BTAF1: variants seen among roughly 807,000 people sequenced by gnomAD.
BTAF1 encodes the protein TATA-binding protein-associated factor 172.
Under a neutral mutation model 227.1 loss-of-function variants are expected in BTAF1, and 38 were observed. The observed-to-expected ratio is 0.17, with a 90% CI of 0.13 to 0.22. The LOEUF is 0.22. Among genes scored for constraint, BTAF1 ranks in the 10% least tolerant of loss-of-function variants. BTAF1 has a pLI of 1.00. For synonymous variants in BTAF1, 742 were observed against 751.9 expected, an observed-to-expected ratio of 0.99 and a Z score of 0.21; for missense variants, 1,598 against 2,204.0, an observed-to-expected ratio of 0.73 and a Z score of 5.51.
intron 1 of BTAF1, among the ~76,000 whole-genome samples, chr10:91,926,412 G>A (rs928256944): frequency 2.0e-4 from 31 of 152,266 alleles, no homozygotes; most frequent in Admixed American, 5.9e-4. Context: ...CAAGAAATTT[G>A]AGAATGTTCT....
chr10:92,025,671 G>A (rs1851451440), intron 35 of BTAF1, among the ~76,000 whole-genome samples: 1 of 152,040 alleles, frequency 6.6e-6, no homozygotes, highest in Non-Finnish European at 1.5e-5. Context: ...GCTGGATGTG[G>A]TGGCACATGC....
At chr10:91,987,249 C>T (rs1432487517) in intron 19 of BTAF1, among the ~76,000 whole-genome samples, 1 of 151,808 alleles carries the variant, frequency 6.6e-6, no homozygotes, top group Non-Finnish European at 1.5e-5. Flanking sequence ...TTTGGGAGGC[C>T]GAGGTGGGTG....
chr10:91,989,086 T>A, intron 19 of BTAF1, 68 bp from the exon 20 acceptor site: 1 of 1,369,344 alleles, frequency 7.3e-7, no homozygotes, highest in South Asian at 1.5e-5. Context: ...CTGTCTACCC[T>A]TTAGGAGCTT....
In BTAF1 at chr10:91,944,019, C is replaced by T. The variant is rs192239766; in HGVS notation, c.400+1451C>T. Among the ~76,000 whole-genome samples, 454 of 152,024 alleles carry T rather than the reference C, an allele frequency of 3.0e-3. 1 individual carries two copies. The highest frequency in any genetic ancestry group is 5.0e-3 in the Non-Finnish European group (343 of 67,982). ...TATGAAAATTAGCTGGGTGTGGAGG[C>T]GGGTGCCTGTAATCCCAGCTACTCT... On this transcript the variant is annotated intron_variant, in intron 4 of 37. Coordinates refer to ENST00000265990, the MANE Select transcript of BTAF1 (RefSeq NM_003972.3).
At chr10:91,963,511 T>C (rs911661228) in intron 12 of BTAF1, among the ~76,000 whole-genome samples, 1 of 152,124 alleles carries the variant, frequency 6.6e-6, no homozygotes, top group African/African-American at 2.4e-5. Flanking sequence ...CAAGAGATCT[T>C]CCCAGTCTTG....
intron 14 of BTAF1, among the ~76,000 whole-genome samples, chr10:91,977,528 A>G (rs1377953685): frequency 6.6e-6 from 1 of 152,204 alleles, no homozygotes; most frequent in Non-Finnish European, 1.5e-5. Flanking sequence ...GGCAGTTATG[A>G]ATAAAGCTGC....
At chr10:91,928,664 CAT>C (rs1844033885) in intron 1 of BTAF1, among the ~76,000 whole-genome samples, 1 of 151,584 alleles carries the variant, frequency 6.6e-6, no homozygotes, top group Non-Finnish European at 1.5e-5. Flanking sequence ...TTCTCATTAT[CAT>C]GTGTTACTTA....
At chr10:91,982,856 G>T (rs756252485) in intron 18 of BTAF1, 95 bp downstream of exon 18, 6 of 1,268,612 alleles carry the variant, frequency 4.7e-6, no homozygotes, top group Non-Finnish European at 6.3e-6. Flanking sequence ...GAAAATTTTC[G>T]ATGTATAAAA....
At position 92,008,106 on chromosome 10, in the gene BTAF1, TAA is replaced by T. The variant is rs748207799; in HGVS notation, c.3661-11_3661-10del. 14 of 1,563,284 alleles carry T rather than the reference TAA, an allele frequency of 9.0e-6. No individual in the cohort carries two copies. The African/African-American group carries it at 1.8e-4, about 20-fold the overall frequency. ...GTGAGTACGTAGTTTTTAATAACTT[TAA>T]AAAAATCATTTTAGGCAGGCATTCC... On this transcript the variant is annotated splice_polypyrimidine_tract_variant and intron_variant, in intron 25 of 37. Coordinates refer to ENST00000265990, the MANE Select transcript of BTAF1 (RefSeq NM_003972.3).
intron 25 of BTAF1, among the ~76,000 whole-genome samples, chr10:92,007,769 C>G (rs936191321): frequency 6.6e-6 from 1 of 152,178 alleles, no homozygotes; most frequent in Non-Finnish European, 1.5e-5. Flanking sequence ...GTCGCGCAGA[C>G]CACATTTTGA....
At chr10:91,930,439 T>C (rs1844194242) in intron 1 of BTAF1, among the ~76,000 whole-genome samples, 1 of 152,204 alleles carries the variant, frequency 6.6e-6, no homozygotes, top group Non-Finnish European at 1.5e-5. Flanking sequence ...TCATGGAGTT[T>C]ATGGTCCAGG....
chr10:91,953,211 G>A (rs577390389), intron 5 of BTAF1, among the ~76,000 whole-genome samples: 12 of 152,244 alleles, frequency 7.9e-5, no homozygotes, highest in South Asian at 2.1e-4. Context: ...AAAATCTAAC[G>A]CACAGACTTT....
intron 14 of BTAF1, among the ~76,000 whole-genome samples, chr10:91,972,626 CTG>C: frequency 6.6e-6 from 1 of 152,266 alleles, no homozygotes. Flanking sequence ...ATGCTTTTAT[CTG>C]TTATTGTATT....
intron 14 of BTAF1, among the ~76,000 whole-genome samples, chr10:91,979,510 A>G (rs953057990): frequency 3.9e-5 from 6 of 152,134 alleles, no homozygotes; most frequent in Non-Finnish European, 7.4e-5. Context: ...TTAAACATTT[A>G]TTATCCCTAG....
Position 91,959,862 on chromosome 10 carries a change from A to G in BTAF1, c.1068A>G (p.Gly356=). ...GTGTTTTTGCATTAGACAGATTTGG[A>G]GACTTTGTTTCTGATGAAGTAAGTA... The part of the protein sequence containing the change: ...LLCVFALDRF[G]DFVSDEVVAP... Residue 356 remains glycine (G), a synonymous_variant, in exon 10 of 38, where the codon GGA becomes GGG. Coordinates refer to ENST00000265990, the MANE Select transcript of BTAF1 (RefSeq NM_003972.3). The G allele has an allele frequency of 6.2e-7, 1 of 1,609,992 alleles. No individual in the cohort carries two copies. The highest frequency in any genetic ancestry group is 1.1e-5 in the South Asian group (1 of 89,970).
intron 12 of BTAF1, among the ~76,000 whole-genome samples, chr10:91,963,569 C>T (rs999298030): frequency 6.6e-6 from 1 of 152,168 alleles, no homozygotes. Context: ...ACACCCACCC[C>T]TCTAGTCTCA....
rs78565159 is a variant in BTAF1 at position 91,938,223 on chromosome 10, G to T, written c.139-1729G>T. Among the ~76,000 whole-genome samples, 301 of 152,174 alleles carry T rather than the reference G, an allele frequency of 2.0e-3. 1 individual carries two copies. The highest frequency in any genetic ancestry group is 6.8e-3 in the African/African-American group (283 of 41,516). ...TACAAGGTATCCAAACTATACAAAGGTATATGATTAGGAAATAGATATTTG... is the reference window on the plus strand; with the variant it reads ...TACAAGGTATCCAAACTATACAAAGTTATATGATTAGGAAATAGATATTTG... On this transcript the variant is annotated intron_variant, in intron 2 of 37. Coordinates refer to ENST00000265990, the MANE Select transcript of BTAF1 (RefSeq NM_003972.3).
Position 91,966,655 on chromosome 10 carries a change from A to C in BTAF1, c.1548A>C (p.Thr516=). 6.2e-7 allele frequency: 1 copy of C among 1,613,794 alleles called. No individual in the cohort carries two copies. The highest frequency in any genetic ancestry group is 8.5e-7 in the Non-Finnish European group (1 of 1,179,842). ...VQQCSIQQSL[T]VLVPRVWPFL... is the part of the protein sequence containing the mutation. ...TTATTAGTATTCAGCAGTCACTGAC[A>C]GTTTTAGTTCCACGTGTCTGGCCTT... The change falls in exon 14 of 38, where the codon ACA becomes ACC. Residue 516 remains threonine, a synonymous_variant. Coordinates refer to ENST00000265990, the MANE Select transcript of BTAF1 (RefSeq NM_003972.3).
chr10:91,993,647 TATG>T (rs1180567757), intron 21 of BTAF1, 44 bp from the exon 22 acceptor site: 5 of 1,331,460 alleles, frequency 3.8e-6, no homozygotes, highest in Non-Finnish European at 4.9e-6. Flanking sequence ...TTAAATGTAT[TATG>T]ATTTTTTCTG....
Sources: allele counts gnomAD v4.1 joint callset (sites outside exome capture counted in the v4.1 genomes callset), GRCh38; gene constraint gnomAD v4.1.1; transcripts MANE v1.5; gene names NCBI Gene and HGNC (gene_info 2026-07-23, HGNC 2026-07-21).